Variants in RANBP17 observed in about 807,000 individuals in gnomAD.
The protein encoded by RANBP17 is ran-binding protein 17.
In RANBP17, 158 loss-of-function variants were observed where a neutral mutation model predicts 141.2. The ratio of observed to expected loss-of-function variants is 1.12; its 90% CI spans 0.98 to 1.28. RANBP17 has a LOEUF of 1.28. RANBP17 is among the 50% of genes most tolerant of loss of function. The pLI, the probability that RANBP17 is intolerant of heterozygous loss-of-function variation, is 0.00. For synonymous variants in RANBP17, 430 were observed against 450.0 expected (o/e 0.96, Z 0.56); for missense variants, 1,438 against 1,290.7 (o/e 1.11, Z -1.75).
Position 171,206,112 on chromosome 5 carries a change from T to A in RANBP17, c.2231+500T>A, listed in dbSNP as rs183618225. On this transcript the variant is annotated intron_variant, in intron 20 of 27. Coordinates refer to ENST00000523189, the MANE Select transcript of RANBP17 (RefSeq NM_022897.5). The stretch of plus-strand genomic sequence containing the variant: ...TTTGTCATTTGGTGTAAAATTTGAA[T>A]TGACCTTTGCCAAGGGTTAGTACAG... The A allele has an allele frequency of 2.9e-3, 752 of 263,390 alleles. 2 individuals are homozygous for A. Among genetic ancestry groups the A allele is most frequent in the Non-Finnish European group, 4.1e-3 (548 of 135,166 alleles). The allele number at this position is 263,390 out of a possible 1,614,324, so 16.3% of individuals were successfully genotyped here.
chr5:171,147,208 G>A (rs1028831301), intron 14 of RANBP17, among the ~76,000 whole-genome samples: 18 of 151,994 alleles, frequency 1.2e-4, no homozygotes, highest in African/African-American at 3.6e-4. Context: ...TTGAAGTTGA[G>A]AAGCCCCTGG....
intron 14 of RANBP17, among the ~76,000 whole-genome samples, chr5:170,975,890 T>C (rs1777334399): frequency 6.6e-6 from 1 of 152,104 alleles, no homozygotes; most frequent in Admixed American, 6.6e-5. Context: ...CAGCATCTTA[T>C]AAGTGCTTTC....
At chr5:170,957,533 G>A (rs1171775017) in intron 13 of RANBP17, among the ~76,000 whole-genome samples, 2 of 152,148 alleles carry the variant, frequency 1.3e-5, no homozygotes, top group East Asian at 3.9e-4. Context: ...TTTGAGTTTT[G>A]TGTTGCACTT....
chr5:170,904,190 C>T, intron 5 of RANBP17: 1 of 297,892 alleles, frequency 3.4e-6, no homozygotes, highest in South Asian at 4.5e-5. Context: ...CCAGCCTGTC[C>T]CTCCTGTGGA....
intron 14 of RANBP17, among the ~76,000 whole-genome samples, chr5:171,162,805 C>T (rs907862834): frequency 6.6e-6 from 1 of 152,064 alleles, no homozygotes; most frequent in Non-Finnish European, 1.5e-5. Context: ...CAGCAGGCAG[C>T]CCTGCACCCC....
intron 14 of RANBP17, among the ~76,000 whole-genome samples, chr5:170,996,393 G>T (rs1392795027): frequency 1.3e-5 from 2 of 152,138 alleles, no homozygotes; most frequent in African/African-American, 4.8e-5. Flanking sequence ...GGAGTTCAGA[G>T]GAAGCAAAAA....
intron 21 of RANBP17, among the ~76,000 whole-genome samples, chr5:171,217,987 G>A (rs1763320674): frequency 6.6e-6 from 1 of 152,164 alleles, no homozygotes. Context: ...ATATTAGGGT[G>A]TCTATTTTAG....
At chr5:171,130,496 G>A (rs547263655) in intron 14 of RANBP17, among the ~76,000 whole-genome samples, 22 of 122,722 alleles carry the variant, frequency 1.8e-4, no homozygotes, top group African/African-American at 5.1e-4. Flanking sequence ...GAGTGCAATG[G>A]CATGATCTCG....
rs973323772 is a variant in RANBP17, at chr5:170,918,735, A to G, written c.977A>G (p.Tyr326Cys). 57 of 1,606,162 alleles carry G rather than the reference A, an allele frequency of 3.5e-5. No individual in the cohort carries two copies. The highest frequency in any genetic ancestry group is 5.4e-5 in the African/African-American group (4 of 74,436). The part of the protein sequence containing the change: ...NPQGLSDPGN[Y>C]HEFCRFLARL... ...TAGGGTTTGTCTGATCCAGGTAATT[A>G]TCATGAATTTTGTCGATTTTTGGCT... The change falls in exon 10 of 28, where the codon TAT (tyrosine) becomes TGT (cysteine). Residue 326 changes from tyrosine (Y) to cysteine (C), a missense_variant. Transcript: ENST00000523189.
chr5:171,249,453 A>G (rs115093462), intron 24 of RANBP17, among the ~76,000 whole-genome samples: 1,547 of 152,344 alleles, frequency 0.01, 25 homozygotes, highest in African/African-American at 0.036. Flanking sequence ...TCAAAATCCC[A>G]GATAAAGAAT....
chr5:171,131,748 C>T (rs936737024), intron 14 of RANBP17, among the ~76,000 whole-genome samples: 10 of 152,192 alleles, frequency 6.6e-5, no homozygotes, highest in Non-Finnish European at 1.2e-4. Flanking sequence ...GCTGACAGCT[C>T]AGCATTTAGA....
chr5:171,139,845 T>G (rs370004978), intron 14 of RANBP17, among the ~76,000 whole-genome samples: 1 of 152,202 alleles, frequency 6.6e-6, no homozygotes, highest in East Asian at 1.9e-4. Context: ...TTAAATAACT[T>G]TCTATTGTTT....
At chr5:171,016,384 TA>T (rs1780436261) in intron 14 of RANBP17, among the ~76,000 whole-genome samples, 1 of 152,112 alleles carries the variant, frequency 6.6e-6, no homozygotes, top group Non-Finnish European at 1.5e-5. Flanking sequence ...CATAAAGACA[TA>T]AGTGAGAGGC....
At chr5:170,942,279 C>T (rs1292389160) in intron 12 of RANBP17, among the ~76,000 whole-genome samples, 1 of 152,114 alleles carries the variant, frequency 6.6e-6, no homozygotes, top group Non-Finnish European at 1.5e-5. Flanking sequence ...TAGGGGACTG[C>T]TGCTCTAGAA....
chr5:170,881,858 G>C lies in RANBP17; in HGVS notation c.218G>C (p.Arg73Pro). 6.2e-7 allele frequency: 1 copy of C among 1,609,780 alleles called. No individual in the cohort carries two copies. Among genetic ancestry groups the C allele is most frequent in the South Asian group, 1.1e-5 (1 of 90,180 alleles). The change falls in exon 3 of 28, where the codon CGA becomes CCA. Residue 73 changes from arginine to proline, a missense_variant. Transcript: ENST00000523189. ...AATCLSKLVSRVSPLPVEQRM... is the reference protein window; with the variant it reads ...AATCLSKLVSPVSPLPVEQRM... The stretch of plus-strand genomic sequence containing the variant: ...ACATGTCTTTCAAAACTTGTCAGCC[G>C]AGTCAGTCCTTTACCTGTTGAGCAG...
At chr5:170,920,128 A>G (rs1772311572) in intron 11 of RANBP17, among the ~76,000 whole-genome samples, 1 of 152,138 alleles carries the variant, frequency 6.6e-6, no homozygotes, top group African/African-American at 2.4e-5. Context: ...ATACTCCTGC[A>G]CAGATTTTGT....
intron 14 of RANBP17, among the ~76,000 whole-genome samples, chr5:171,063,807 G>A (rs1051783541): frequency 6.6e-6 from 1 of 152,196 alleles, no homozygotes; most frequent in Non-Finnish European, 1.5e-5. Flanking sequence ...GAGCTGTGGT[G>A]GGCTCCACCC....
At chr5:171,038,413 T>G (rs754478706) in intron 14 of RANBP17, among the ~76,000 whole-genome samples, 2 of 152,122 alleles carry the variant, frequency 1.3e-5, no homozygotes, top group Non-Finnish European at 1.5e-5. Context: ...TAGTTTGACT[T>G]CTTTTCCTAT....
At chr5:170,998,332 C>T (rs1187075072) in intron 14 of RANBP17, among the ~76,000 whole-genome samples, 1 of 152,124 alleles carries the variant, frequency 6.6e-6, no homozygotes, top group Non-Finnish European at 1.5e-5. Flanking sequence ...TAGGAACACT[C>T]AGGTCACTTT....
Sources: gnomAD v4.1 joint callset for allele counts (sites outside exome capture counted in the v4.1 genomes callset) on GRCh38, gnomAD v4.1.1 for gene constraint, MANE v1.5 for transcripts, NCBI Gene and HGNC (gene_info 2026-07-23, HGNC 2026-07-21) for gene names.